Variants in SLC35F1 observed in about 807,000 individuals in gnomAD.
SLC35F1 encodes solute carrier family 35 member F1, also known as chromosome 6 open reading frame 169.
SLC35F1 carries 14 observed loss-of-function variants against 48.7 expected under a neutral mutation model. That is an observed-to-expected ratio of 0.29 (90% CI 0.19 to 0.45). SLC35F1 has a LOEUF of 0.45. SLC35F1 is among the 20% of genes least tolerant of loss of function. The pLI, the probability that SLC35F1 is intolerant of heterozygous loss-of-function variation, is 1.00. For synonymous variants in SLC35F1, 190 were observed against 202.2 expected (o/e 0.94, Z 0.51); for missense variants, 404 against 500.0 (o/e 0.81, Z 1.83).
intron 1 of SLC35F1, among the ~76,000 whole-genome samples, chr6:118,111,547 A>G (rs1773399858): frequency 6.6e-6 from 1 of 152,196 alleles, no homozygotes; most frequent in Non-Finnish European, 1.5e-5. Flanking sequence ...GACAAAGAAA[A>G]ACAGAAAATT....
intron 4 of SLC35F1, among the ~76,000 whole-genome samples, chr6:118,272,449 C>T (rs994573705): frequency 7.2e-5 from 11 of 152,130 alleles, no homozygotes; most frequent in African/African-American, 2.7e-4. Context: ...TCTAGCATAA[C>T]TTTCACCATG....
intron 1 of SLC35F1, among the ~76,000 whole-genome samples, chr6:117,914,132 ATCTATCTG>A (rs1400153795): frequency 4.8e-4 from 71 of 146,746 alleles, no homozygotes; most frequent in African/African-American, 1.7e-3. Flanking sequence ...CTATCTATCT[ATCTATCTG>A]TCTATCCACA....
intron 1 of SLC35F1, among the ~76,000 whole-genome samples, chr6:118,101,273 C>T (rs115502551): frequency 1.3e-5 from 2 of 152,078 alleles, no homozygotes; most frequent in Admixed American, 6.6e-5. Flanking sequence ...TGGTGAAAAC[C>T]GCCCTAAAGT....
At chr6:118,245,614 A>C (rs1775497563) in intron 3 of SLC35F1, among the ~76,000 whole-genome samples, 1 of 152,114 alleles carries the variant, frequency 6.6e-6, no homozygotes, top group Admixed American at 6.5e-5. Flanking sequence ...ATGTGAATGC[A>C]TTTGGTTTCC....
intron 6 of SLC35F1, among the ~76,000 whole-genome samples, chr6:118,279,142 CT>C (rs1217461873): frequency 7.9e-5 from 12 of 152,166 alleles, no homozygotes; most frequent in African/African-American, 2.9e-4. Flanking sequence ...TTCAAAATAG[CT>C]AGAAGAGATT....
chr6:118,199,913 ATGT>A (rs780994173), intron 2 of SLC35F1, among the ~76,000 whole-genome samples: 7 of 152,214 alleles, frequency 4.6e-5, no homozygotes, highest in Admixed American at 1.3e-4. Context: ...GTTGTATTAA[ATGT>A]TTCAAATAAA....
intron 3 of SLC35F1, among the ~76,000 whole-genome samples, chr6:118,237,533 G>C (rs891114340): frequency 1.3e-5 from 2 of 152,124 alleles, no homozygotes; most frequent in African/African-American, 4.8e-5. Flanking sequence ...GGGACTACAG[G>C]CACATGCCAC....
intron 1 of SLC35F1, among the ~76,000 whole-genome samples, chr6:118,111,738 AAG>A (rs1562293274): frequency 6.6e-6 from 1 of 152,222 alleles, no homozygotes; most frequent in African/African-American, 2.4e-5. Flanking sequence ...TTAAAAGAAT[AAG>A]AGAAACAATA....
At chr6:118,205,208 CTT>C (rs1185165226) in intron 2 of SLC35F1, among the ~76,000 whole-genome samples, 1 of 152,130 alleles carries the variant, frequency 6.6e-6, no homozygotes, top group East Asian at 1.9e-4. Context: ...AGAGTGTTAG[CTT>C]ATGGGCAGAT....
chr6:117,916,760 G>A (rs939280470), intron 1 of SLC35F1, among the ~76,000 whole-genome samples: 2 of 152,198 alleles, frequency 1.3e-5, no homozygotes, highest in Non-Finnish European at 2.9e-5. Flanking sequence ...CTGTGTTTGG[G>A]TGACAGGAAG....
chr6:117,966,117 A>G (rs1313308491), intron 1 of SLC35F1, among the ~76,000 whole-genome samples: 1 of 127,958 alleles, frequency 7.8e-6, no homozygotes, highest in African/African-American at 2.8e-5. Context: ...ATAAGGGAAT[A>G]AAAGCAGGCC....
At chr6:118,053,644 A>G (rs999050759) in intron 1 of SLC35F1, among the ~76,000 whole-genome samples, 5 of 152,098 alleles carry the variant, frequency 3.3e-5, no homozygotes, top group Admixed American at 6.6e-5. Context: ...AACATTTCCC[A>G]TATTGTTTTG....
intron 1 of SLC35F1, among the ~76,000 whole-genome samples, chr6:117,938,922 C>A (rs1360668733): frequency 6.6e-6 from 1 of 150,530 alleles, no homozygotes; most frequent in Non-Finnish European, 1.5e-5. Context: ...TACAGGCAGT[C>A]CCCTCTGTCC....
At chr6:118,017,745 T>G (rs921556855) in intron 1 of SLC35F1, among the ~76,000 whole-genome samples, 1 of 152,192 alleles carries the variant, frequency 6.6e-6, no homozygotes, top group African/African-American at 2.4e-5. Context: ...TTTTCTAAGA[T>G]CATTATAATA....
At chr6:117,990,978 G>C (rs1776912689) in intron 1 of SLC35F1, among the ~76,000 whole-genome samples, 1 of 152,174 alleles carries the variant, frequency 6.6e-6, no homozygotes, top group Non-Finnish European at 1.5e-5. Context: ...TATGAAAAAA[G>C]AGTGTAAAGT....
intron 2 of SLC35F1, among the ~76,000 whole-genome samples, chr6:118,209,590 T>A (rs1389362823): frequency 1.3e-5 from 2 of 152,174 alleles, no homozygotes; most frequent in Non-Finnish European, 2.9e-5. Context: ...AGTATTTAAA[T>A]GCCCAGAATT....
intron 2 of SLC35F1, among the ~76,000 whole-genome samples, chr6:118,231,804 G>A (rs12211232): frequency 0.5 from 75,318 of 152,004 alleles, 19,296 homozygotes; most frequent in Middle Eastern, 0.6. Flanking sequence ...TGGCTGGTGC[G>A]CTCTGAGTCT....
intron 2 of SLC35F1, among the ~76,000 whole-genome samples, chr6:118,191,315 G>C (rs1774730593): frequency 6.6e-6 from 1 of 152,096 alleles, no homozygotes; most frequent in African/African-American, 2.4e-5. Flanking sequence ...CACACAGTGG[G>C]ATACAAAAGT....
chr6:118,016,094 G>A (rs1777317199), intron 1 of SLC35F1, among the ~76,000 whole-genome samples: 1 of 152,094 alleles, frequency 6.6e-6, no homozygotes, highest in Non-Finnish European at 1.5e-5. Context: ...TCCCAAACAG[G>A]CACCCATTCT....
Sources: gnomAD v4.1 joint callset for allele counts (sites outside exome capture counted in the v4.1 genomes callset) on GRCh38, gnomAD v4.1.1 for gene constraint, MANE v1.5 for transcripts, NCBI Gene and HGNC (gene_info 2026-07-23, HGNC 2026-07-21) for gene names.